NAV2: variants seen among roughly 807,000 people sequenced by gnomAD.
NAV2 encodes the protein neuron navigator 2, also known as helicase, APC down-regulated 1.
NAV2 carries 54 observed loss-of-function variants against 223.2 expected under a neutral mutation model. The ratio of observed to expected loss-of-function variants is 0.24; its 90% CI spans 0.19 to 0.30. NAV2 has a LOEUF of 0.30. NAV2 is among the 10% of genes least tolerant of loss of function. The pLI is 1.00. For synonymous variants in NAV2, 1,279 were observed against 1,239.3 expected (o/e 1.03, Z -0.67); for missense variants, 2,806 against 3,147.5 (o/e 0.89, Z 2.60).
chr11:19,731,247 T>A (rs2051744957), intron 1 of NAV2, among the ~76,000 whole-genome samples: 1 of 152,174 alleles, frequency 6.6e-6, no homozygotes. Context: ...ATGCCACACT[T>A]AGTAGGTCTT....
intron 1 of NAV2, among the ~76,000 whole-genome samples, chr11:19,586,560 G>T (rs1054332670): frequency 2.0e-5 from 3 of 152,112 alleles, no homozygotes; most frequent in Non-Finnish European, 4.4e-5. Flanking sequence ...GGGTTTTGTT[G>T]TGGATGTCCT....
At chr11:19,931,008 A>G (rs2045281052) in intron 6 of NAV2, among the ~76,000 whole-genome samples, 1 of 152,224 alleles carries the variant, frequency 6.6e-6, no homozygotes, top group Admixed American at 6.5e-5. Flanking sequence ...CTATGACACC[A>G]TGTCAGGAGA....
intron 1 of NAV2, among the ~76,000 whole-genome samples, chr11:19,397,784 C>A (rs891960927): frequency 2.6e-4 from 40 of 152,054 alleles, no homozygotes; most frequent in African/African-American, 9.2e-4. Context: ...GGTACGTCTC[C>A]CCTCTGGGTC....
At chr11:19,630,974 G>T (rs1467690169) in intron 1 of NAV2, among the ~76,000 whole-genome samples, 2 of 136,628 alleles carry the variant, frequency 1.5e-5, no homozygotes, top group Admixed American at 7.2e-5. Flanking sequence ...AAGGAAAAAA[G>T]AAATTTGGTA....
At chr11:19,868,811 C>A in intron 3 of NAV2, 114 bp from the exon 4 acceptor site, 1 of 900,632 alleles carries the variant, frequency 1.1e-6, no homozygotes, top group Non-Finnish European at 1.7e-6. Context: ...CCTATCTTGG[C>A]GTTCGTTCAT....
intron 1 of NAV2, among the ~76,000 whole-genome samples, chr11:19,521,544 C>T (rs1430583316): frequency 6.6e-6 from 1 of 152,218 alleles, no homozygotes; most frequent in African/African-American, 2.4e-5. Flanking sequence ...ACGCCCTGTG[C>T]AGCTCACAGT....
chr11:19,636,063 G>C (rs1002770890), intron 1 of NAV2, among the ~76,000 whole-genome samples: 3 of 152,212 alleles, frequency 2.0e-5, no homozygotes, highest in African/African-American at 7.2e-5. Flanking sequence ...ACTTATCTGA[G>C]AGCTGTTTTC....
intron 17 of NAV2, among the ~76,000 whole-genome samples, chr11:20,053,389 T>C (rs2153607564): frequency 6.6e-6 from 1 of 152,192 alleles, no homozygotes; most frequent in East Asian, 1.9e-4. Context: ...GCATCTGCAT[T>C]GCTGAGTAGG....
intron 8 of NAV2, among the ~76,000 whole-genome samples, chr11:19,941,325 T>G (rs2046384363): frequency 6.6e-6 from 1 of 151,872 alleles, no homozygotes; most frequent in Non-Finnish European, 1.5e-5. Flanking sequence ...CACTCTTTGG[T>G]GTCAAATCAA....
Position 19,892,423 on chromosome 11 carries a change from T to C in NAV2, c.771-11T>C. On this transcript the variant is annotated splice_polypyrimidine_tract_variant and intron_variant, in intron 5 of 37. Coordinates refer to ENST00000349880, the MANE Select transcript of NAV2 (RefSeq NM_145117.5). Reference sequence around the variant, plus strand: ...GACTGAATGCATTATCCTGTTGCTTTTGCATTTTAGACTTCCAGGTCCTAC... The same window carrying C: ...GACTGAATGCATTATCCTGTTGCTTCTGCATTTTAGACTTCCAGGTCCTAC... The C allele has an allele frequency of 1.2e-6, 2 of 1,613,044 alleles. No homozygotes were observed. The highest frequency in any genetic ancestry group is 2.7e-5 in the African/African-American group (2 of 75,044).
intron 1 of NAV2, among the ~76,000 whole-genome samples, chr11:19,585,795 C>T (rs577609174): frequency 5.4e-4 from 82 of 152,322 alleles, no homozygotes; most frequent in Non-Finnish European, 9.7e-4. Context: ...CAACCTTTCT[C>T]TCTGGCTGCC....
intron 10 of NAV2, among the ~76,000 whole-genome samples, chr11:19,972,342 A>T (rs955137558): frequency 6.6e-6 from 1 of 152,170 alleles, no homozygotes. Flanking sequence ...GTCAGCTGTC[A>T]TGTCTGCTGT....
intron 11 of NAV2, among the ~76,000 whole-genome samples, chr11:20,026,050 A>C (rs1160654668): frequency 6.6e-6 from 1 of 152,210 alleles, no homozygotes; most frequent in Non-Finnish European, 1.5e-5. Context: ...CCTGATAAGG[A>C]GATGGCAGAG....
chr11:19,778,695 A>T (rs560952975), intron 1 of NAV2, among the ~76,000 whole-genome samples: 71 of 152,304 alleles, frequency 4.7e-4, no homozygotes, highest in African/African-American at 1.7e-3. Context: ...ACTTTAAGCT[A>T]CTATTTTACA....
In NAV2 at chr11:19,933,724, C is replaced by T. The variant is rs754191884; in HGVS notation, c.1480C>T (p.Arg494Trp). The T allele has an allele frequency of 7.1e-5, 115 of 1,613,960 alleles. No homozygotes were observed. The highest frequency in any genetic ancestry group is 1.6e-4 in the Middle Eastern group (1 of 6,084). ...TGAGAAAGAGAAGGAGAAACAACAGCGGGAGAAGGATAAGGAGAAAAGCAA... is the reference window on the plus strand; with the variant it reads ...TGAGAAAGAGAAGGAGAAACAACAGTGGGAGAAGGATAAGGAGAAAAGCAA... The part of the protein sequence containing the change: ...GNEKEKEKQQ[R>W]EKDKEKSKDL... The change falls in exon 7 of 38, where the codon CGG becomes TGG. Residue 494 changes from arginine to tryptophan, a missense_variant. Physicochemically the swap from Arg to Trp is moderately radical, Grantham distance 101 (BLOSUM62 -3). Coordinates refer to ENST00000349880, the MANE Select transcript of NAV2 (RefSeq NM_145117.5). This position sits in a 1 kb window ranked among gnomAD's most constrained non-coding sequence, Gnocchi z 4.3.
At chr11:19,520,446 G>T (rs2043611899) in intron 1 of NAV2, among the ~76,000 whole-genome samples, 1 of 152,200 alleles carries the variant, frequency 6.6e-6, no homozygotes, top group Admixed American at 6.5e-5. Context: ...GATTGTCTCT[G>T]CCTCCCTGTC....
intron 1 of NAV2, among the ~76,000 whole-genome samples, chr11:19,367,687 T>A (rs577127628): frequency 6.6e-6 from 1 of 152,244 alleles, no homozygotes; most frequent in East Asian, 1.9e-4. Context: ...TTGAGTTGTA[T>A]GTCCATCCTT....
At chr11:19,729,491 G>T (rs2051552439) in intron 1 of NAV2, among the ~76,000 whole-genome samples, 1 of 152,206 alleles carries the variant, frequency 6.6e-6, no homozygotes. Flanking sequence ...GTGTCTCTTT[G>T]TCCTCTCTTT....
At chr11:19,681,211 C>T (rs1417573267) in intron 1 of NAV2, among the ~76,000 whole-genome samples, 4 of 152,182 alleles carry the variant, frequency 2.6e-5, no homozygotes, top group Admixed American at 1.3e-4. Context: ...AGGGACGTCC[C>T]CTGACCTGGC....
Sources: allele counts gnomAD v4.1 joint callset (sites outside exome capture counted in the v4.1 genomes callset), GRCh38; gene constraint gnomAD v4.1.1; non-coding constraint Gnocchi (gnomAD v3.1); transcripts MANE v1.5; gene names NCBI Gene and HGNC (gene_info 2026-07-23, HGNC 2026-07-21).